The following CEP57L1 variants were observed in gnomAD, a reference collection of about 807,000 sequenced individuals.
CEP57L1 encodes the protein centrosomal protein CEP57L1.
A neutral mutation model predicts 61.0 loss-of-function variants in CEP57L1; 37 were observed. The observed-to-expected ratio is 0.61, with a 90% CI of 0.47 to 0.80. CEP57L1 has a LOEUF of 0.80. Among genes scored for constraint, CEP57L1 ranks in the 30% least tolerant of loss-of-function variants. The probability of loss-of-function intolerance (pLI) is 0.00; values close to 1 mark genes in which losing one functional copy is unlikely to be tolerated. For missense variants in CEP57L1, 422 were observed against 524.7 expected (o/e 0.80, Z 1.91); for synonymous variants, 137 against 162.3 (o/e 0.84, Z 1.19).
chr6:109,110,479 G>A (rs1178111910), intron 1 of CEP57L1, among the ~76,000 whole-genome samples: 1 of 152,148 alleles, frequency 6.6e-6, no homozygotes, highest in Non-Finnish European at 1.5e-5. Context: ...TAGGTTGCCT[G>A]TTCACTCTGA....
rs1179719919 is a variant in CEP57L1 at position 109,162,953 on chromosome 6, A to G, written c.1366A>G (p.Ile456Val). ...NLQMKLRRDD[I>V]MWEQ ...TCAAATGAAATTGAGAAGAGATGAT[A>G]TCATGTGGGAACAGTAACAAAACAG... Residue 456 changes from isoleucine to valine, a missense_variant, in exon 11 of 11, where the codon ATC becomes GTC. Coordinates refer to ENST00000517392, the MANE Select transcript of CEP57L1 (RefSeq NM_001271852.3). 6.2e-7 allele frequency: 1 copy of G among 1,610,248 alleles called. No homozygotes were observed. The highest frequency in any genetic ancestry group is 1.7e-5 in the Admixed American group (1 of 59,952).
intron 1 of CEP57L1, among the ~76,000 whole-genome samples, chr6:109,144,242 A>G (rs551537405): frequency 1.6e-4 from 25 of 152,264 alleles, no homozygotes; most frequent in South Asian, 6.2e-4. Context: ...AGAAAATACT[A>G]TCCTGGGAAG....
intron 1 of CEP57L1, chr6:109,130,624 G>T (rs1583500197): frequency 7.1e-6 from 1 of 139,872 alleles, no homozygotes; most frequent in African/African-American, 2.7e-5. Flanking sequence ...TTGTGAAATT[G>T]ACATTTTTAA....
rs545238862 is a variant in CEP57L1 at position 109,166,702 on chromosome 6, A to G, written c.*3732A>G. 6.6e-6 allele frequency among the ~76,000 whole-genome samples: 1 copy of G among 152,308 alleles called. No individual in the cohort carries two copies. The highest frequency in any genetic ancestry group is 2.4e-5 in the African/African-American group (1 of 41,572). ...CCAGCCTAAATGTGTATTCTTATCC[A>G]TGATAAGAGATCAAAAATTAAATAA... is the stretch of plus-strand genomic sequence containing the variant. On this transcript the variant is annotated 3_prime_UTR_variant, in exon 11 of 11. Transcript: ENST00000517392.
At position 109,171,242 on chromosome 6, in the gene CEP57L1, A is replaced by ATT. The variant is rs751539209; in HGVS notation, c.*8284_*8285dup. Among the ~76,000 whole-genome samples the ATT allele has an allele frequency of 7.0e-6, 1 of 143,460 alleles. No homozygotes were observed. The highest frequency in any genetic ancestry group is 1.5e-5 in the Non-Finnish European group (1 of 65,460). The allele number at this position is 143,460 out of a possible 152,430, so 94.1% of individuals were successfully genotyped here. The stretch of plus-strand genomic sequence containing the variant: ...AAATAATGCCACAAAGTAGAGTTTG[A>ATT]TTTTTTTTTTTTTGAGACGGAGTTT... On this transcript the variant is annotated 3_prime_UTR_variant, in exon 11 of 11. Transcript: ENST00000517392.
chr6:109,102,595 T>C (rs1770442286), intron 1 of CEP57L1, among the ~76,000 whole-genome samples: 1 of 152,218 alleles, frequency 6.6e-6, no homozygotes, highest in Non-Finnish European at 1.5e-5. Flanking sequence ...TTCTCCTGTC[T>C]TCCAGAACTT....
At chr6:109,101,764 C>T (rs1782448221) in intron 1 of CEP57L1, among the ~76,000 whole-genome samples, 1 of 152,084 alleles carries the variant, frequency 6.6e-6, no homozygotes, top group African/African-American at 2.4e-5. Flanking sequence ...GGATTACAGG[C>T]GCCCGCCACC....
At position 109,107,890 on chromosome 6, in the gene CEP57L1, G is replaced by A. The variant is rs145078984; in HGVS notation, c.-4+12315G>A. Among the ~76,000 whole-genome samples the A allele has an allele frequency of 6.7e-3, 1,023 of 152,164 alleles. 10 individuals carry two copies. Among genetic ancestry groups the A allele is most frequent in the African/African-American group, 0.023 (958 of 41,500 alleles). Reference sequence around the variant, plus strand: ...TGGGAGACGCAGGTTGTAGTGAGACGAGATCGTGCCATTGCACTGCAGCTT... The same window carrying A: ...TGGGAGACGCAGGTTGTAGTGAGACAAGATCGTGCCATTGCACTGCAGCTT... On this transcript the variant is annotated intron_variant, in intron 1 of 10. Transcript: ENST00000517392.
At chr6:109,116,549 T>C (rs1481561162) in intron 1 of CEP57L1, among the ~76,000 whole-genome samples, 1 of 152,188 alleles carries the variant, frequency 6.6e-6, no homozygotes, top group African/African-American at 2.4e-5. Flanking sequence ...TTTATTTATA[T>C]AGGTACAGTT....
intron 7 of CEP57L1, chr6:109,158,758 GTTA>G: frequency 1.9e-6 from 1 of 527,174 alleles, no homozygotes; most frequent in South Asian, 1.8e-5. Context: ...GCCAACATTT[GTTA>G]TTGTCACTGT....
chr6:109,150,488 C>A (rs965848587), intron 4 of CEP57L1, among the ~76,000 whole-genome samples: 2 of 151,428 alleles, frequency 1.3e-5, no homozygotes. Flanking sequence ...ATGGTGAAAC[C>A]CCATCTCTAC....
intron 4 of CEP57L1, among the ~76,000 whole-genome samples, chr6:109,150,815 A>C (rs1772533186): frequency 6.6e-6 from 1 of 152,198 alleles, no homozygotes; most frequent in Admixed American, 6.5e-5. Flanking sequence ...AAAGAAAATA[A>C]GTACTGGTCT....
chr6:109,126,784 G>A (rs927625422), intron 1 of CEP57L1, among the ~76,000 whole-genome samples: 4 of 152,154 alleles, frequency 2.6e-5, no homozygotes, highest in African/African-American at 9.7e-5. Flanking sequence ...CATGTATTGA[G>A]TTGAATTAAC....
At chr6:109,154,786 G>T (rs1160690121) in intron 5 of CEP57L1, among the ~76,000 whole-genome samples, 1 of 151,938 alleles carries the variant, frequency 6.6e-6, no homozygotes, top group African/African-American at 2.4e-5. Context: ...GGACCACATT[G>T]TATATTTCTA....
rs1428774612 is a variant in CEP57L1, at chr6:109,145,245, T to G, written c.24T>G (p.Ser8Arg). 1 of 1,591,498 alleles carries G rather than the reference T, an allele frequency of 6.3e-7. No homozygotes were observed. Among genetic ancestry groups the G allele is most frequent in the Non-Finnish European group, 8.6e-7 (1 of 1,162,142 alleles). The change falls in exon 2 of 11, where the codon AGT becomes AGG. Residue 8 changes from serine to arginine, a missense_variant. Ser to Arg is a moderately radical substitution (Grantham distance 110). Coordinates refer to ENST00000517392, the MANE Select transcript of CEP57L1 (RefSeq NM_001271852.3). MDSELMH[S>R]IVGSYHKPPE... ...TAATGGATTCTGAATTAATGCATAG[T>G]ATAGTAGGAAGCTATCATAAACCTC...
At chr6:109,131,384 T>C (rs1363031784) in intron 1 of CEP57L1, among the ~76,000 whole-genome samples, 2 of 152,160 alleles carry the variant, frequency 1.3e-5, no homozygotes, top group East Asian at 3.9e-4. Context: ...TAGTGAACTC[T>C]CTAGTTAATA....
rs956902901 is a variant in CEP57L1, at chr6:109,173,880, C to T, written c.*10910C>T. 6.6e-6 allele frequency among the ~76,000 whole-genome samples: 1 copy of T among 151,376 alleles called. No individual in the cohort carries two copies. The highest frequency in any genetic ancestry group is 6.6e-5 in the Admixed American group (1 of 15,182). On this transcript the variant is annotated 3_prime_UTR_variant, in exon 11 of 11. Transcript: ENST00000517392. ...TTGGGAGGCAAAGGAAGGTGGATCACTTGAGGTCAGGAGTTTGAGACCAGC... is the reference window on the plus strand; with the variant it reads ...TTGGGAGGCAAAGGAAGGTGGATCATTTGAGGTCAGGAGTTTGAGACCAGC...
Position 109,159,421 on chromosome 6 carries a change from A to G in CEP57L1, c.975A>G (p.Glu325=), listed in dbSNP as rs1013871019. 2 of 1,613,742 alleles carry G rather than the reference A, an allele frequency of 1.2e-6. No homozygotes were observed. Among genetic ancestry groups the G allele is most frequent in the African/African-American group, 2.7e-5 (2 of 74,882 alleles). ...TTTCCATTTGTGACAATTTATCTGAACTTTTGATGGCAATGCAAGATGAGC... is the reference window on the plus strand; with the variant it reads ...TTTCCATTTGTGACAATTTATCTGAGCTTTTGATGGCAATGCAAGATGAGC... The part of the protein sequence containing the change: ...KSISICDNLS[E]LLMAMQDELD... The change falls in exon 9 of 11, where the codon GAA becomes GAG. Residue 325 remains glutamate, a synonymous_variant. Transcript: ENST00000517392.
In CEP57L1 at chr6:109,161,510, G is replaced by C. The variant is rs115771150; in HGVS notation, c.1161+794G>C. ...GAATGTCACAAATAAGCCTCCCCGCGTTTTATAGGAAAGTAATAGAAGATG... is the reference window on the plus strand; with the variant it reads ...GAATGTCACAAATAAGCCTCCCCGCCTTTTATAGGAAAGTAATAGAAGATG... On this transcript the variant is annotated intron_variant, in intron 10 of 10. Coordinates refer to ENST00000517392, the MANE Select transcript of CEP57L1 (RefSeq NM_001271852.3). 7.5e-3 allele frequency among the ~76,000 whole-genome samples: 1,141 copies of C among 151,974 alleles called. 18 individuals are homozygous for C. The highest frequency in any genetic ancestry group is 0.026 in the African/African-American group (1,092 of 41,424).
Sources: allele counts gnomAD v4.1 joint callset (sites outside exome capture counted in the v4.1 genomes callset), GRCh38; gene constraint gnomAD v4.1.1; transcripts MANE v1.5; gene names NCBI Gene and HGNC (gene_info 2026-07-23, HGNC 2026-07-21).